The following ADAMTSL1 variants were observed in gnomAD, a reference collection of about 807,000 sequenced individuals.
ADAMTSL1 encodes ADAMTS like 1.
In ADAMTSL1, 126 loss-of-function variants were observed where a neutral mutation model predicts 201.8. That is an observed-to-expected ratio of 0.62 (90% CI 0.54 to 0.72). ADAMTSL1 has a LOEUF of 0.72. ADAMTSL1 is among the 30% of genes least tolerant of loss of function. The pLI, the probability that ADAMTSL1 is intolerant of heterozygous loss-of-function variation, is 0.00. For missense variants in ADAMTSL1, 2,679 were observed against 2,277.8 expected, an observed-to-expected ratio of 1.18 and a Z score of -3.59; for synonymous variants, 1,121 against 903.4, an observed-to-expected ratio of 1.24 and a Z score of -4.32.
chr9:18,631,983 A>T (rs560912789), intron 5 of ADAMTSL1, among the ~76,000 whole-genome samples: 2 of 152,218 alleles, frequency 1.3e-5, no homozygotes, highest in African/African-American at 4.8e-5. Context: ...AAGCCAGAAT[A>T]GATTAGGGCA....
At position 18,156,867 on chromosome 9, in the gene ADAMTSL1, T is replaced by C. The variant is rs192968468; in HGVS notation, c.88-6995T>C. 4.4e-3 allele frequency among the ~76,000 whole-genome samples: 673 copies of C among 152,210 alleles called. 2 individuals carry two copies. Among genetic ancestry groups the C allele is most frequent in the Middle Eastern group, 0.034 (10 of 294 alleles). On this transcript the variant is annotated intron_variant, in intron 1 of 29. Transcript: ENST00000680146. ...TTAGAACTCTTTGGAAACAGAATCC[T>C]GTTCCCTTCGTGAAAGGAATGGGGT...
At chr9:18,363,973 A>T (rs1475585449) in intron 2 of ADAMTSL1, among the ~76,000 whole-genome samples, 1 of 152,186 alleles carries the variant, frequency 6.6e-6, no homozygotes, top group Non-Finnish European at 1.5e-5. Flanking sequence ...CCTCCTAGAC[A>T]CAGAACACGT....
chr9:18,890,421 A>C (rs781402137), intron 25 of ADAMTSL1: 2 of 436,744 alleles, frequency 4.6e-6, no homozygotes, highest in Non-Finnish European at 9.2e-6. Context: ...AATGGATAAT[A>C]GATGGGCTTG....
At chr9:17,922,128 T>G (rs1826329230) in intron 1 of ADAMTSL1, among the ~76,000 whole-genome samples, 1 of 148,566 alleles carries the variant, frequency 6.7e-6, no homozygotes, top group Admixed American at 6.9e-5. Context: ...TGAGGTGAAA[T>G]GAATGGGAAA....
chr9:18,302,455 C>G (rs150707210), intron 2 of ADAMTSL1, among the ~76,000 whole-genome samples: 145 of 152,222 alleles, frequency 9.5e-4, no homozygotes, highest in African/African-American at 3.4e-3. Flanking sequence ...TAGGAGTTTT[C>G]TACTTAGATA....
intron 3 of ADAMTSL1, among the ~76,000 whole-genome samples, chr9:18,539,028 G>T (rs1037253518): frequency 6.8e-6 from 1 of 148,148 alleles, no homozygotes; most frequent in East Asian, 1.9e-4. Context: ...TCCAGCCAAC[G>T]CTTGGCTCTT....
intron 2 of ADAMTSL1, among the ~76,000 whole-genome samples, chr9:18,190,910 C>T (rs1346401841): frequency 1.3e-5 from 2 of 152,108 alleles, no homozygotes; most frequent in Non-Finnish European, 2.9e-5. Flanking sequence ...CATCGTACCC[C>T]TAGGGCACAT....
Position 18,154,030 on chromosome 9 carries a change from G to T in ADAMTSL1, c.88-9832G>T, listed in dbSNP as rs141615561. ...ACAAAATCACAGGGGCCTGCTAAAAGACTGTTATTCTTCCTCGGTGTCAGC... is the reference window on the plus strand; with the variant it reads ...ACAAAATCACAGGGGCCTGCTAAAATACTGTTATTCTTCCTCGGTGTCAGC... On this transcript the variant is annotated intron_variant, in intron 1 of 29. Coordinates refer to the ADAMTSL1 transcript ENST00000680146. 6.8e-3 allele frequency among the ~76,000 whole-genome samples: 1,040 copies of T among 152,132 alleles called. 7 individuals carry two copies. Among genetic ancestry groups the T allele is most frequent in the Non-Finnish European group, 0.011 (728 of 67,958 alleles).
At chr9:18,731,245 T>C (rs1204438126) in intron 15 of ADAMTSL1, among the ~76,000 whole-genome samples, 1 of 152,196 alleles carries the variant, frequency 6.6e-6, no homozygotes, top group Admixed American at 6.5e-5. Context: ...ATCAGACAGA[T>C]GTTGGCTTTC....
intron 3 of ADAMTSL1, among the ~76,000 whole-genome samples, chr9:18,569,684 G>A (rs892845177): frequency 6.6e-6 from 1 of 152,064 alleles, no homozygotes; most frequent in African/African-American, 2.4e-5. Flanking sequence ...AATGCATTTG[G>A]TCCATATAAC....
intron 1 of ADAMTSL1, among the ~76,000 whole-genome samples, chr9:17,974,169 A>C (rs202239981): frequency 2.6e-5 from 4 of 152,004 alleles, no homozygotes; most frequent in South Asian, 2.1e-4. Flanking sequence ...GGAAGCATTC[A>C]CTTTGAAAAT....
At chr9:18,759,153 A>G (rs1423334441) in intron 16 of ADAMTSL1, among the ~76,000 whole-genome samples, 1 of 152,168 alleles carries the variant, frequency 6.6e-6, no homozygotes, top group East Asian at 1.9e-4. Context: ...AGACAGAAAC[A>G]ATTGCCACAA....
chr9:18,515,132 C>T (rs1818286148), intron 2 of ADAMTSL1, among the ~76,000 whole-genome samples: 1 of 152,110 alleles, frequency 6.6e-6, no homozygotes, highest in Admixed American at 6.5e-5. Flanking sequence ...TATCTGGGCC[C>T]TACCAAAGAA....
chr9:18,360,752 G>GA (rs1405936077), intron 2 of ADAMTSL1: 3 of 152,088 alleles, frequency 2.0e-5, no homozygotes, highest in African/African-American at 7.2e-5. Flanking sequence ...CATCTAACAT[G>GA]AAAAATCACT....
At chr9:18,557,855 A>G (rs1347843772) in intron 3 of ADAMTSL1, among the ~76,000 whole-genome samples, 1 of 151,610 alleles carries the variant, frequency 6.6e-6, no homozygotes, top group Non-Finnish European at 1.5e-5. Flanking sequence ...TTTTTTTTCT[A>G]TTTAGCATGT....
At chr9:18,667,819 G>C (rs911567915) in intron 9 of ADAMTSL1, among the ~76,000 whole-genome samples, 3 of 152,136 alleles carry the variant, frequency 2.0e-5, no homozygotes, top group Admixed American at 2.0e-4. Flanking sequence ...ATGGTTCTCT[G>C]TTTGTTGTTT....
intron 1 of ADAMTSL1, among the ~76,000 whole-genome samples, chr9:18,100,945 T>A (rs1012465156): frequency 2.0e-5 from 3 of 152,192 alleles, no homozygotes; most frequent in Admixed American, 6.5e-5. Context: ...CATACAAACA[T>A]TAATACCTTT....
chr9:18,207,593 AGTT>A (rs1434217398), intron 2 of ADAMTSL1, among the ~76,000 whole-genome samples: 4 of 152,206 alleles, frequency 2.6e-5, no homozygotes. Flanking sequence ...GAAGATAAGA[AGTT>A]AAACTCTTTA....
chr9:18,462,758 G>A (rs1412768617), intron 2 of ADAMTSL1, among the ~76,000 whole-genome samples: 1 of 151,832 alleles, frequency 6.6e-6, no homozygotes, highest in African/African-American at 2.4e-5. Context: ...GGGTAACATG[G>A]TGAAATCTCA....
Sources: gnomAD v4.1 joint callset for allele counts (sites outside exome capture counted in the v4.1 genomes callset) on GRCh38, gnomAD v4.1.1 for gene constraint, MANE v1.5 for transcripts, NCBI Gene and HGNC (gene_info 2026-07-23, HGNC 2026-07-21) for gene names.